TRAM2: variants seen among roughly 807,000 people sequenced by gnomAD.
TRAM2 encodes translocating chain-associated membrane protein 2.
TRAM2 carries 12 observed loss-of-function variants against 51.0 expected under a neutral mutation model. The ratio of observed to expected loss-of-function variants is 0.24; its 90% confidence interval spans 0.15 to 0.38. TRAM2 has a LOEUF of 0.38. Among genes scored for constraint, TRAM2 ranks in the 10% least tolerant of loss-of-function variants. The pLI is 1.00. For missense variants in TRAM2, 361 were observed against 462.0 expected, an observed-to-expected ratio of 0.78 and a Z score of 2.00; for synonymous variants, 175 against 179.4, an observed-to-expected ratio of 0.98 and a Z score of 0.20.
chr6:52,529,926 T>C (rs188615557), intron 2 of TRAM2: 5 of 152,270 alleles, frequency 3.3e-5, no homozygotes, highest in Non-Finnish European at 7.4e-5. Context: ...ACTAGATACT[T>C]TGTGGTAGTT....
chr6:52,569,668 C>G (rs964253938), intron 1 of TRAM2, among the ~76,000 whole-genome samples: 1 of 151,952 alleles, frequency 6.6e-6, no homozygotes, highest in African/African-American at 2.4e-5. Context: ...ACACCTGCCA[C>G]TCACATCAAG....
intron 1 of TRAM2, among the ~76,000 whole-genome samples, chr6:52,547,669 G>T (rs1403909955): frequency 6.6e-6 from 1 of 152,210 alleles, no homozygotes; most frequent in Non-Finnish European, 1.5e-5. Flanking sequence ...GGGACAGGCA[G>T]GGCCACCTAG....
In TRAM2 at chr6:52,567,146, C is replaced by A. The variant is rs116039207; in HGVS notation, c.120+9650G>T. ...TCCCTTAGGCCATGTGAGCAGCAACCCAACTGGTAGGGCTGAGAAACCAAC... is the reference window on the plus strand; with the variant it reads ...TCCCTTAGGCCATGTGAGCAGCAACACAACTGGTAGGGCTGAGAAACCAAC... On this transcript the variant is annotated intron_variant, in intron 1 of 10. Coordinates refer to ENST00000182527, the MANE Select transcript of TRAM2 (RefSeq NM_012288.4). 1.7e-3 allele frequency among the ~76,000 whole-genome samples: 253 copies of A among 152,322 alleles called. 1 individual carries two copies. Among genetic ancestry groups the A allele is most frequent in the African/African-American group, 5.9e-3 (246 of 41,572 alleles).
rs1470465294 is a variant in TRAM2 at position 52,499,747 on chromosome 6, G to A, written c.*3450C>T. The A allele has an allele frequency of 6.6e-6, 1 of 152,170 alleles. No homozygotes were observed. Among genetic ancestry groups the A allele is most frequent in the East Asian group, 1.9e-4 (1 of 5,192 alleles). 9.4% of individuals were successfully genotyped at this position (152,170 alleles called of 1,614,324 possible). A position where few individuals can be genotyped will look rare whatever the true frequency, so the allele number is the denominator to read the frequency against. On this transcript the variant is annotated 3_prime_UTR_variant, in exon 11 of 11. Coordinates refer to ENST00000182527, the MANE Select transcript of TRAM2 (RefSeq NM_012288.4). Reference sequence around the variant, plus strand: ...CGTGGCCAGGGCAGAGGTGTCTATTGGGGTTTCTTAAATGTTGGGAAGTTA... The same window carrying A: ...CGTGGCCAGGGCAGAGGTGTCTATTAGGGTTTCTTAAATGTTGGGAAGTTA...
rs547754106 is a variant in TRAM2, at chr6:52,526,504, G to A, written c.184+9279C>T. Among the ~76,000 whole-genome samples the A allele has an allele frequency of 2.0e-5, 3 of 151,900 alleles. No homozygotes were observed. In the East Asian group the frequency reaches 5.8e-4, roughly 29 times the overall value. On this transcript the variant is annotated intron_variant, in intron 2 of 10. Transcript: ENST00000182527. ...CAGGCTCAAGCGATTCTTGTGCCTC[G>A]GCCTCCTGAGTAGCTGGAATTACAG...
At chr6:52,520,516 G>A (rs910260334) in intron 2 of TRAM2, among the ~76,000 whole-genome samples, 2 of 152,226 alleles carry the variant, frequency 1.3e-5, no homozygotes, top group Non-Finnish European at 2.9e-5. Context: ...AGCTGGCTAC[G>A]CGGATGGATT....
At position 52,576,867 on chromosome 6, in the gene TRAM2, A is replaced by G. The variant is rs984557992; in HGVS notation, c.49T>C (p.Phe17Leu). 6.2e-7 allele frequency: 1 copy of G among 1,613,618 alleles called. No homozygotes were observed. Among genetic ancestry groups the G allele is most frequent in the African/African-American group, 1.3e-5 (1 of 74,908 alleles). The change falls in exon 1 of 11, where the codon TTC (phenylalanine) becomes CTC (leucine). Residue 17 changes from phenylalanine (F) to leucine (L), a missense_variant. Coordinates refer to ENST00000182527, the MANE Select transcript of TRAM2 (RefSeq NM_012288.4). ...ATGTCCGCATGGTTGTGGATGACGA[A>G]CTCCTGGCTGAAGAGCGGGTAACTT... is the stretch of plus-strand genomic sequence containing the variant. Reference protein sequence around the residue: ...TKSYPLFSQEFVIHNHADIGF... With the variant: ...TKSYPLFSQELVIHNHADIGF...
chr6:52,576,921 C>G lies in TRAM2; in HGVS notation c.-6G>C. ...GTCCTCCTGCGGAAAGCCATGGCAG[C>G]GGGCGCGCAGCGGCCGGCGGGGCCC... is the stretch of plus-strand genomic sequence containing the variant. On this transcript the variant is annotated 5_prime_UTR_variant, in exon 1 of 11. Transcript: ENST00000182527. 1 of 1,608,378 alleles carries G rather than the reference C, an allele frequency of 6.2e-7. No individual in the cohort carries two copies.
intron 1 of TRAM2, among the ~76,000 whole-genome samples, chr6:52,563,660 A>C (rs980485500): frequency 6.2e-5 from 8 of 128,162 alleles, no homozygotes; most frequent in African/African-American, 1.8e-4. Context: ...CAGAGCTTGC[A>C]CTCCAGCCTG....
intron 1 of TRAM2, among the ~76,000 whole-genome samples, chr6:52,542,379 G>T (rs1265719043): frequency 2.0e-5 from 3 of 151,922 alleles, no homozygotes; most frequent in Non-Finnish European, 4.4e-5. Context: ...ATGGACGTGG[G>T]TTTGCAGCCC....
intron 1 of TRAM2, among the ~76,000 whole-genome samples, chr6:52,561,509 G>T (rs572103703): frequency 6.8e-6 from 1 of 146,306 alleles, no homozygotes; most frequent in Non-Finnish European, 1.5e-5. Flanking sequence ...TTTTTGAGAC[G>T]GAGTCTCGCT....
At chr6:52,507,720 C>T (rs1049417243) in intron 6 of TRAM2, 97 bp from the exon 7 acceptor site, 3 of 1,166,022 alleles carry the variant, frequency 2.6e-6, no homozygotes, top group South Asian at 2.7e-5. Flanking sequence ...GGGCCAGGCT[C>T]CTCTGGGCTG....
chr6:52,560,189 G>A (rs1767475579), intron 1 of TRAM2, among the ~76,000 whole-genome samples: 1 of 151,970 alleles, frequency 6.6e-6, no homozygotes, highest in Non-Finnish European at 1.5e-5. Flanking sequence ...GGAGGTTGCA[G>A]TGAGCCGAGA....
intron 1 of TRAM2, among the ~76,000 whole-genome samples, chr6:52,544,609 C>T (rs1280186754): frequency 2.0e-5 from 3 of 152,200 alleles, no homozygotes; most frequent in East Asian, 1.9e-4. Flanking sequence ...CTACAAAGAC[C>T]GGCCAATGAC....
In TRAM2 at chr6:52,502,970, G is replaced by A; in HGVS notation, c.*227C>T. On this transcript the variant is annotated 3_prime_UTR_variant, in exon 11 of 11. Coordinates refer to ENST00000182527, the MANE Select transcript of TRAM2 (RefSeq NM_012288.4). Reference sequence around the variant, plus strand: ...GAGTGAGGACAGGAGGTGGCCTGAGGGGGAGAAAGAGAAAGATTTTTGGCT... The same window carrying A: ...GAGTGAGGACAGGAGGTGGCCTGAGAGGGAGAAAGAGAAAGATTTTTGGCT... 1 of 592,080 alleles carries A rather than the reference G, an allele frequency of 1.7e-6. No homozygotes were observed. The highest frequency in any genetic ancestry group is 3.0e-6 in the Non-Finnish European group (1 of 332,972). 36.7% of individuals were successfully genotyped at this position (592,080 alleles called of 1,614,324 possible).
chr6:52,575,009 C>T (rs368541153), intron 1 of TRAM2, among the ~76,000 whole-genome samples: 32 of 152,282 alleles, frequency 2.1e-4, no homozygotes, highest in African/African-American at 4.8e-4. Flanking sequence ...GCTGGGGACA[C>T]GCACTTGGAG....
chr6:52,557,373 T>G (rs2114101302), intron 1 of TRAM2, among the ~76,000 whole-genome samples: 1 of 152,300 alleles, frequency 6.6e-6, no homozygotes, highest in South Asian at 2.1e-4. Flanking sequence ...TTACTGTATA[T>G]CAGGTTCTAT....
chr6:52,567,676 T>C (rs187965940), intron 1 of TRAM2, among the ~76,000 whole-genome samples: 45 of 152,384 alleles, frequency 3.0e-4, no homozygotes, highest in Middle Eastern at 3.4e-3. Flanking sequence ...GCCACAGATT[T>C]AGTTTTGAAA....
chr6:52,566,926 T>A (rs1328596447), intron 1 of TRAM2, among the ~76,000 whole-genome samples: 1 of 152,230 alleles, frequency 6.6e-6, no homozygotes, highest in African/African-American at 2.4e-5. Flanking sequence ...ACTGGGGTAG[T>A]CATCATCAAG....
Sources: allele counts gnomAD v4.1 joint callset (sites outside exome capture counted in the v4.1 genomes callset), GRCh38; gene constraint gnomAD v4.1.1; transcripts MANE v1.5; gene names NCBI Gene and HGNC (gene_info 2026-07-23, HGNC 2026-07-21).